The following BCR variants were observed in gnomAD, a reference collection of about 807,000 sequenced individuals.
The protein encoded by BCR is BCR activator of RhoGEF and GTPase, also known as breakpoint cluster region protein.
BCR carries 58 observed loss-of-function variants against 138.6 expected under a neutral mutation model. That is an observed-to-expected ratio of 0.42 (90% CI 0.34 to 0.52). BCR has a LOEUF of 0.52. Ranked by LOEUF, BCR falls within the 20% of genes least tolerant of loss-of-function variation. The probability of loss-of-function intolerance (pLI) is 0.06; values close to 1 mark genes in which losing one functional copy is unlikely to be tolerated. For synonymous variants in BCR, 786 were observed against 730.1 expected, an observed-to-expected ratio of 1.08 and a Z score of -1.23; for missense variants, 1,599 against 1,727.2, an observed-to-expected ratio of 0.93 and a Z score of 1.32.
At chr22:23,185,238 C>T (rs892422473) in intron 1 of BCR, among the ~76,000 whole-genome samples, 1 of 152,166 alleles carries the variant, frequency 6.6e-6, no homozygotes, top group Non-Finnish European at 1.5e-5. Context: ...GGTGGCCCTG[C>T]GGTGTTCTTC....
chr22:23,299,547 T>A (rs903519123), intron 16 of BCR, among the ~76,000 whole-genome samples: 2 of 152,178 alleles, frequency 1.3e-5, no homozygotes, highest in Non-Finnish European at 2.9e-5. Context: ...TTTTGGCTTA[T>A]GTTTGTCTCT....
In BCR at chr22:23,253,817, C is replaced by A. The variant is rs766124888; in HGVS notation, c.1298C>A (p.Pro433Gln). The change falls in exon 2 of 23, where the codon CCA becomes CAA. Residue 433 changes from proline (P) to glutamine (Q), a missense_variant. Around this residue, in one of 4 missense-constraint regions of BCR, gnomAD observed 806 missense variants for 635.0 expected, o/e 1.27. Coordinates refer to ENST00000305877, the MANE Select transcript of BCR (RefSeq NM_004327.4). The stretch of plus-strand genomic sequence containing the variant: ...CACACAGATGGCTCGTTCGGAACAC[C>A]ACCTGGATACGGCTGCGCTGCAGAC... The part of the protein sequence containing the change: ...HGDADGSFGT[P>Q]PGYGCAADRA... 1 of 1,612,378 alleles carries A rather than the reference C, an allele frequency of 6.2e-7. No homozygotes were observed. The highest frequency in any genetic ancestry group is 1.1e-5 in the South Asian group (1 of 91,002).
intron 4 of BCR, among the ~76,000 whole-genome samples, chr22:23,266,670 C>T (rs1244707257): frequency 1.3e-5 from 2 of 152,174 alleles, no homozygotes; most frequent in South Asian, 2.1e-4. Context: ...GATTACAGGC[C>T]GCCGTGCCCA....
At position 23,261,072 on chromosome 22, in the gene BCR, A is replaced by T; in HGVS notation, c.1566+18A>T. The T allele has an allele frequency of 6.2e-7, 1 of 1,609,280 alleles. No individual in the cohort carries two copies. The highest frequency in any genetic ancestry group is 1.1e-5 in the South Asian group (1 of 90,918). On this transcript the variant is annotated intron_variant, in intron 3 of 22. Coordinates refer to ENST00000305877, the MANE Select transcript of BCR (RefSeq NM_004327.4). ...TGCTGCTGGTGAGGAGGATTTAGGG[A>T]GCTGAGCAGGGCGGGATGGGGCAGG...
At chr22:23,260,751 C>T (rs2073347160) in intron 2 of BCR, 199 bp from the exon 3 acceptor site, 2 of 562,910 alleles carry the variant, frequency 3.6e-6, no homozygotes, top group Non-Finnish European at 3.2e-6. Flanking sequence ...ACCCCCCTCC[C>T]CGGGATTCTC....
intron 1 of BCR, among the ~76,000 whole-genome samples, chr22:23,210,162 A>G (rs1410408154): frequency 6.6e-6 from 1 of 152,128 alleles, no homozygotes; most frequent in Non-Finnish European, 1.5e-5. Flanking sequence ...AGCAGCTCAC[A>G]CCTGTATTAC....
chr22:23,299,505 C>G (rs1008862621), intron 16 of BCR, among the ~76,000 whole-genome samples: 1 of 152,234 alleles, frequency 6.6e-6, no homozygotes, highest in African/African-American at 2.4e-5. Context: ...CCTCCCCCAA[C>G]TCCCATCACG....
intron 1 of BCR, among the ~76,000 whole-genome samples, chr22:23,208,543 T>C (rs2072644235): frequency 6.6e-6 from 1 of 152,218 alleles, no homozygotes. Flanking sequence ...TGAATGTTTT[T>C]GTCTTGTACA....
At chr22:23,228,837 TTTTC>T (rs1423274295) in intron 1 of BCR, among the ~76,000 whole-genome samples, 14 of 152,150 alleles carry the variant, frequency 9.2e-5, no homozygotes, top group Non-Finnish European at 1.6e-4. Context: ...CTGGCTGTAG[TTTTC>T]TTTCTTTATC....
chr22:23,254,081 C>A, intron 2 of BCR, 101 bp downstream of exon 2: 3 of 1,370,304 alleles, frequency 2.2e-6, no homozygotes, highest in South Asian at 1.5e-5. Context: ...GTGGAGCAGC[C>A]AATGGTTTGG....
intron 1 of BCR, among the ~76,000 whole-genome samples, chr22:23,249,246 G>A (rs2073193004): frequency 6.6e-6 from 1 of 151,992 alleles, no homozygotes; most frequent in Admixed American, 6.6e-5. Context: ...TGGCTAACAT[G>A]GTGAAACTCC....
At chr22:23,295,180 C>T in intron 16 of BCR, 25 bp downstream of exon 16, 1 of 1,612,698 alleles carries the variant, frequency 6.2e-7, no homozygotes, top group South Asian at 1.1e-5. Context: ...CCTACCCTCC[C>T]CTGCCCGATG....
At chr22:23,197,340 A>G (rs571510342) in intron 1 of BCR, among the ~76,000 whole-genome samples, 2 of 152,344 alleles carry the variant, frequency 1.3e-5, no homozygotes, top group South Asian at 2.1e-4. Context: ...GACATTGCCT[A>G]ATGATGCATT....
At chr22:23,306,384 A>C (rs1373878714) in intron 16 of BCR, 1 of 152,326 alleles carries the variant, frequency 6.6e-6, no homozygotes, top group Non-Finnish European at 1.5e-5. Flanking sequence ...CCCTGGGTCC[A>C]TCAGAGGCAC....
intron 1 of BCR, among the ~76,000 whole-genome samples, chr22:23,225,255 G>A (rs958197381): frequency 6.6e-6 from 1 of 151,526 alleles, no homozygotes; most frequent in Non-Finnish European, 1.5e-5. Context: ...CTGACCCTAA[G>A]GCGCATGGAC....
chr22:23,311,737 G>A lies in BCR; in HGVS notation c.3223G>A (p.Val1075Met), dbSNP rs2146329134. 1.9e-6 allele frequency: 3 copies of A among 1,611,406 alleles called. No individual in the cohort carries two copies. Among genetic ancestry groups the A allele is most frequent in the South Asian group, 1.1e-5 (1 of 90,970 alleles). ...SKVPYIVRQC[V>M]EEIERRGMEE... ...GGTGCCCTACATCGTGCGCCAGTGC[G>A]TGGAGGAGATCGAGCGCCGAGGCAT... The change falls in exon 19 of 23, where the codon GTG becomes ATG. Residue 1075 changes from valine (V) to methionine (M), a missense_variant. Coordinates refer to ENST00000305877, the MANE Select transcript of BCR (RefSeq NM_004327.4).
intron 1 of BCR, among the ~76,000 whole-genome samples, chr22:23,201,146 C>T (rs1211876430): frequency 2.0e-5 from 3 of 152,244 alleles, no homozygotes; most frequent in Admixed American, 6.5e-5. Flanking sequence ...AAGTCACACA[C>T]GTGCGCAGCT....
In BCR at chr22:23,238,201, C is replaced by T. The variant is rs1002891904; in HGVS notation, c.1280-15598C>T. On this transcript the variant is annotated intron_variant, in intron 1 of 22. Coordinates refer to ENST00000305877, the MANE Select transcript of BCR (RefSeq NM_004327.4). ...TGTCTTGTTTTTTAAGGGGGATGATCGAAGAAAGCCTTGGAGGTAGGGTGG... is the reference window on the plus strand; with the variant it reads ...TGTCTTGTTTTTTAAGGGGGATGATTGAAGAAAGCCTTGGAGGTAGGGTGG... Among the ~76,000 whole-genome samples the T allele has an allele frequency of 3.9e-5, 6 of 151,904 alleles. No individual in the cohort carries two copies. In the South Asian group the frequency reaches 1.2e-3, roughly 32 times the overall value.
intron 1 of BCR, among the ~76,000 whole-genome samples, chr22:23,189,155 C>T (rs575172461): frequency 4.6e-5 from 7 of 152,280 alleles, no homozygotes; most frequent in Non-Finnish European, 1.0e-4. Context: ...CCACTGCGCC[C>T]GGCTAAAATT....
Sources: allele counts gnomAD v4.1 joint callset (sites outside exome capture counted in the v4.1 genomes callset), GRCh38; gene constraint gnomAD v4.1.1; regional missense constraint gnomAD v4.1.1; transcripts MANE v1.5; gene names NCBI Gene and HGNC (gene_info 2026-07-23, HGNC 2026-07-21).